Variants in JPH3 observed in about 807,000 individuals in gnomAD.
JPH3 encodes junctophilin 3, also known as junctophilin-3.
A neutral mutation model predicts 59.6 loss-of-function variants in JPH3; 11 were observed. That is an observed-to-expected ratio of 0.18 (90% CI 0.12 to 0.31). The LOEUF (loss-of-function observed/expected upper bound fraction) is 0.31. Among genes scored for constraint, JPH3 ranks in the 10% least tolerant of loss-of-function variants. The probability of loss-of-function intolerance (pLI) is 1.00; values close to 1 mark genes in which losing one functional copy is unlikely to be tolerated. For missense variants in JPH3, 1,202 were observed against 1,105.7 expected (o/e 1.09, Z -1.24); for synonymous variants, 673 against 483.6 (o/e 1.39, Z -5.14).
In JPH3 at chr16:87,680,050, C is replaced by T. The variant is rs147708519; in HGVS notation, c.1161-4092C>T. On this transcript the variant is annotated intron_variant, in intron 2 of 4. Coordinates refer to ENST00000284262, the MANE Select transcript of JPH3 (RefSeq NM_020655.4). Reference sequence around the variant, plus strand: ...CCGTTGGGGACAGGGCAGCCACACACCCAGCCCAGGGTGTGGTCTCCCCAC... The same window carrying T: ...CCGTTGGGGACAGGGCAGCCACACATCCAGCCCAGGGTGTGGTCTCCCCAC... Among the ~76,000 whole-genome samples the T allele has an allele frequency of 5.7e-3, 875 of 152,352 alleles. 14 individuals are homozygous for T. Among genetic ancestry groups the T allele is most frequent in the African/African-American group, 0.02 (836 of 41,588 alleles).
intron 1 of JPH3, among the ~76,000 whole-genome samples, chr16:87,636,959 A>G (rs1176256695): frequency 2.0e-5 from 3 of 152,166 alleles, no homozygotes. Flanking sequence ...TTTCAGGTCC[A>G]CACGCTCCCC....
rs555890107 is a variant in JPH3 at position 87,650,485 on chromosome 16, C to T, written c.1160+5450C>T. ...GTGTTCATGTGAAAGAAGAGTCTCA[C>T]ATCTCTCACTTTAAATCAAAAGCTG... On this transcript the variant is annotated intron_variant, in intron 2 of 4. Transcript: ENST00000284262. Among the ~76,000 whole-genome samples the T allele has an allele frequency of 1.5e-4, 23 of 152,292 alleles. No individual in the cohort carries two copies. The South Asian group carries it at 4.4e-3, about 29-fold the overall frequency.
At chr16:87,666,050 C>A (rs1597276064) in intron 2 of JPH3, among the ~76,000 whole-genome samples, 1 of 152,126 alleles carries the variant, frequency 6.6e-6, no homozygotes, top group East Asian at 1.9e-4. Context: ...GATGCCCCAT[C>A]ATATGTGAAT....
intron 4 of JPH3, among the ~76,000 whole-genome samples, chr16:87,691,375 G>GGCTCTGCTC (rs2033568929): frequency 6.6e-6 from 1 of 152,260 alleles, no homozygotes; most frequent in Non-Finnish European, 1.5e-5. Flanking sequence ...ACCCCAGCAG[G>GGCTCTGCTC]GCTCTGCTCG....
chr16:87,660,764 G>T (rs778597155), intron 2 of JPH3, among the ~76,000 whole-genome samples: 2 of 152,186 alleles, frequency 1.3e-5, no homozygotes, highest in African/African-American at 2.4e-5. Flanking sequence ...GTCTGTAGGA[G>T]GGGGCACCTC....
At chr16:87,687,727 G>A (rs779978117) in intron 3 of JPH3, among the ~76,000 whole-genome samples, 3 of 152,186 alleles carry the variant, frequency 2.0e-5, no homozygotes, top group Admixed American at 1.3e-4. Context: ...AGCTGAGGGT[G>A]CCCTCCTGCT....
intron 4 of JPH3, chr16:87,696,336 C>G: frequency 1.7e-6 from 1 of 571,446 alleles, no homozygotes; most frequent in Admixed American, 3.0e-5. Flanking sequence ...CAAGGGAATT[C>G]CAAGGGAATT....
intron 4 of JPH3, among the ~76,000 whole-genome samples, chr16:87,693,255 C>T (rs1379436671): frequency 6.6e-6 from 1 of 152,222 alleles, no homozygotes; most frequent in East Asian, 1.9e-4. Flanking sequence ...GCTGTGGCTG[C>T]AGGTGCCCCC....
At chr16:87,657,437 C>T (rs1055713885) in intron 2 of JPH3, among the ~76,000 whole-genome samples, 1 of 152,152 alleles carries the variant, frequency 6.6e-6, no homozygotes, top group African/African-American at 2.4e-5. Context: ...TGTAGGGTTT[C>T]TGTTGAGGGC....
At chr16:87,630,923 A>C (rs1432623276) in intron 1 of JPH3, among the ~76,000 whole-genome samples, 1 of 152,132 alleles carries the variant, frequency 6.6e-6, no homozygotes, top group East Asian at 1.9e-4. Flanking sequence ...GTTTTTCATT[A>C]TGACTATGTA....
chr16:87,657,596 G>A (rs2032547623), intron 2 of JPH3, among the ~76,000 whole-genome samples: 2 of 152,146 alleles, frequency 1.3e-5, no homozygotes, highest in South Asian at 2.1e-4. Flanking sequence ...TGTATTAAAC[G>A]AGAAAAACTC....
intron 4 of JPH3, chr16:87,695,407 T>C (rs554547938): frequency 2.2e-6 from 1 of 456,096 alleles, no homozygotes; most frequent in South Asian, 1.5e-5. Context: ...CCCTGGTCCA[T>C]CTGTGTCGCA....
chr16:87,628,700 C>T (rs895638484), intron 1 of JPH3, among the ~76,000 whole-genome samples: 4 of 152,276 alleles, frequency 2.6e-5, no homozygotes, highest in East Asian at 1.9e-4. Context: ...TTCAGTGGCC[C>T]GTGGAAACCC....
At position 87,654,725 on chromosome 16, in the gene JPH3, C is replaced by G. The variant is rs1013076440; in HGVS notation, c.1160+9690C>G. 73 of 152,390 alleles carry G rather than the reference C, an allele frequency of 4.8e-4. 1 individual carries two copies. The highest frequency in any genetic ancestry group is 1.7e-3 in the African/African-American group (71 of 41,580). 9.4% of individuals were successfully genotyped at this position (152,390 alleles called of 1,614,324 possible). ...TTCCTTGGGGTCTGCAGGGGCAGGA[C>G]GCAAACCCCACACGCTCGCTGCGCA... On this transcript the variant is annotated intron_variant, in intron 2 of 4. Transcript: ENST00000284262.
chr16:87,663,499 G>T (rs1446654563), intron 2 of JPH3, among the ~76,000 whole-genome samples: 4 of 152,206 alleles, frequency 2.6e-5, no homozygotes, highest in Admixed American at 2.6e-4. Flanking sequence ...TGATATATCA[G>T]GGAACAGTTT....
chr16:87,685,667 C>T (rs541783437), intron 3 of JPH3, among the ~76,000 whole-genome samples: 185 of 152,396 alleles, frequency 1.2e-3, no homozygotes, highest in African/African-American at 4.1e-3. Flanking sequence ...GGCCACTCCA[C>T]GCAGAATGCA....
chr16:87,664,274 T>G (rs1481323237), intron 2 of JPH3, among the ~76,000 whole-genome samples: 1 of 143,160 alleles, frequency 7.0e-6, no homozygotes, highest in Admixed American at 7.2e-5. Context: ...GAGCTTGCAG[T>G]GAGCCGAGAT....
intron 2 of JPH3, among the ~76,000 whole-genome samples, chr16:87,649,139 G>C (rs2032248400): frequency 6.6e-6 from 1 of 152,170 alleles, no homozygotes; most frequent in African/African-American, 2.4e-5. Context: ...GAGAGGGGCG[G>C]GAGCCAGTGG....
chr16:87,603,332 G>C lies in JPH3; in HGVS notation c.186G>C (p.Gln62His). Residue 62 changes from glutamine (Q) to histidine (H), a missense_variant, in exon 1 of 5, where the codon CAG becomes CAC. Coordinates refer to ENST00000284262, the MANE Select transcript of JPH3 (RefSeq NM_020655.4). ...CCTGGCCCAGCGGCAACACGTACCAGGGCACCTGGGCGCAGGGCAAGCGCC... is the reference window on the plus strand; with the variant it reads ...CCTGGCCCAGCGGCAACACGTACCACGGCACCTGGGCGCAGGGCAAGCGCC... ...VYTWPSGNTY[Q>H]GTWAQGKRHG... 6.2e-7 allele frequency: 1 copy of C among 1,613,084 alleles called. No individual in the cohort carries two copies. The highest frequency in any genetic ancestry group is 8.5e-7 in the Non-Finnish European group (1 of 1,179,690).
Sources: gnomAD v4.1 joint callset for allele counts (sites outside exome capture counted in the v4.1 genomes callset) on GRCh38, gnomAD v4.1.1 for gene constraint, MANE v1.5 for transcripts, NCBI Gene and HGNC (gene_info 2026-07-23, HGNC 2026-07-21) for gene names.